Variants in ANK1 observed in about 807,000 individuals in gnomAD.
ANK1 encodes ankyrin-1.
ANK1 carries 51 observed loss-of-function variants against 210.4 expected under a neutral mutation model. The ratio of observed to expected loss-of-function variants is 0.24; its 90% CI spans 0.19 to 0.31. The LOEUF (loss-of-function observed/expected upper bound fraction) is 0.31, where lower values mean the gene tolerates loss of function less well. ANK1 is among the 10% of genes least tolerant of loss of function. The probability of loss-of-function intolerance (pLI) is 1.00; values close to 1 mark genes in which losing one functional copy is unlikely to be tolerated. For synonymous variants in ANK1, 967 were observed against 1,025.9 expected, an observed-to-expected ratio of 0.94 and a Z score of 1.10; for missense variants, 2,051 against 2,504.4, an observed-to-expected ratio of 0.82 and a Z score of 3.86.
At chr8:41,679,708 G>A (rs372222359) in intron 37 of ANK1, among the ~76,000 whole-genome samples, 2,102 of 150,542 alleles carry the variant, frequency 0.014, 60 homozygotes, top group African/African-American at 0.049. Context: ...GACTACAGGC[G>A]CCCACCATCA....
chr8:41,700,040 A>G (rs1367129573), intron 22 of ANK1, among the ~76,000 whole-genome samples: 2 of 152,202 alleles, frequency 1.3e-5, no homozygotes, highest in African/African-American at 2.4e-5. Flanking sequence ...TCGGCTGCCT[A>G]CACCTCTGAC....
Position 41,725,886 on chromosome 8 carries a change from G to T in ANK1, c.487C>A (p.Leu163Ile). Residue 163 changes from leucine to isoleucine, a missense_variant, in exon 6 of 43, where the codon CTC becomes ATC. By Grantham distance (5) the Leu-to-Ile change is conservative (BLOSUM62 2). Transcript: ENST00000289734. The stretch of plus-strand genomic sequence containing the variant: ...TTCCCCTTGGTGCCGTAGTTGATGA[G>T]GTGCGCGACGACGTTCTCATGGCCC... ...QQGHENVVAH[L>I]INYGTKGKVR... 1 of 1,613,600 alleles carries T rather than the reference G, an allele frequency of 6.2e-7. No homozygotes were observed. Among genetic ancestry groups the T allele is most frequent in the Non-Finnish European group, 8.5e-7 (1 of 1,179,950 alleles).
intron 37 of ANK1, among the ~76,000 whole-genome samples, chr8:41,682,271 G>A (rs1586028796): frequency 6.6e-6 from 1 of 151,960 alleles, no homozygotes; most frequent in Non-Finnish European, 1.5e-5. Flanking sequence ...CCTCAGTGCC[G>A]ACGCATGGCT....
intron 30 of ANK1, 21 bp from the exon 31 acceptor site, chr8:41,692,897 T>C: frequency 1.2e-6 from 2 of 1,608,830 alleles, no homozygotes; most frequent in Non-Finnish European, 8.5e-7. Context: ...GGGCGAGTTA[T>C]GTGTTCCCAA....
chr8:41,655,759 A>G lies in ANK1; in HGVS notation c.*37-6T>C. ...TTGGGTGTCGAGGTGTGATCCTGGGAGACACAAAGAGAGAAGGAGTCACTT... is the reference window on the plus strand; with the variant it reads ...TTGGGTGTCGAGGTGTGATCCTGGGGGACACAAAGAGAGAAGGAGTCACTT... On this transcript the variant is annotated splice_region_variant and splice_polypyrimidine_tract_variant and intron_variant, in intron 42 of 42. Transcript: ENST00000289734. The G allele has an allele frequency of 6.2e-7, 1 of 1,613,950 alleles. No homozygotes were observed. The highest frequency in any genetic ancestry group is 8.5e-7 in the Non-Finnish European group (1 of 1,179,898).
chr8:41,696,277 C>T, intron 26 of ANK1, 86 bp downstream of exon 26: 1 of 1,474,572 alleles, frequency 6.8e-7, no homozygotes, highest in Non-Finnish European at 9.4e-7. Context: ...GCACCCAGTT[C>T]TGTTTCCCCA....
intron 6 of ANK1, 149 bp from the exon 7 acceptor site, chr8:41,724,703 A>G (rs1293280360): frequency 1.3e-6 from 1 of 761,574 alleles, no homozygotes; most frequent in African/African-American, 1.7e-5. Context: ...TGAGGGGGTC[A>G]AGAGAGGCTT....
intron 1 of ANK1, among the ~76,000 whole-genome samples, chr8:41,845,497 A>G (rs1462703587): frequency 6.6e-6 from 1 of 151,914 alleles, no homozygotes; most frequent in African/African-American, 2.4e-5. Flanking sequence ...CGCGGGGCAC[A>G]GTGGGGTCTC....
intron 2 of ANK1, among the ~76,000 whole-genome samples, chr8:41,753,060 C>CTTTT (rs761060485): frequency 3.8e-5 from 4 of 106,622 alleles, no homozygotes; most frequent in South Asian, 3.5e-4. Flanking sequence ...GCCGCAGGCT[C>CTTTT]TTTTTTTTTT....
chr8:41,846,145 G>A (rs944771674), intron 1 of ANK1, among the ~76,000 whole-genome samples: 4 of 152,192 alleles, frequency 2.6e-5, no homozygotes, highest in Non-Finnish European at 5.9e-5. Flanking sequence ...CAAACAAGAC[G>A]CCTCTGGCCA....
chr8:41,692,922 G>C, intron 30 of ANK1, 46 bp from the exon 31 acceptor site: 2 of 1,586,342 alleles, frequency 1.3e-6, no homozygotes, highest in Non-Finnish European at 1.7e-6. Context: ...CCAACAGAGA[G>C]CATCCTTTCC....
rs770365154 is a variant in ANK1 at position 41,696,480 on chromosome 8, C to A, written c.2843G>T (p.Arg948Leu). 6.2e-7 allele frequency: 1 copy of A among 1,613,328 alleles called. No individual in the cohort carries two copies. The highest frequency in any genetic ancestry group is 2.2e-5 in the East Asian group (1 of 44,868). ...IPPRTCAAPT[R>L]ITCRLVKPQK... Reference sequence around the variant, plus strand: ...GGGCTTGACCAGGCGGCAGGTGATGCGGGTGGGCGCTGCGCACGTCCGTGG... The same window carrying A: ...GGGCTTGACCAGGCGGCAGGTGATGAGGGTGGGCGCTGCGCACGTCCGTGG... The change falls in exon 26 of 43, where the codon CGC (arginine) becomes CTC (leucine). Residue 948 changes from arginine (R) to leucine (L), a missense_variant. Arg to Leu is a moderately radical substitution (Grantham distance 102, BLOSUM62 -2). Coordinates refer to ENST00000289734, the MANE Select transcript of ANK1 (RefSeq NM_000037.4).
Position 41,727,966 on chromosome 8 carries a change from T to C in ANK1, c.269A>G (p.Gln90Arg). 2 of 1,614,236 alleles carry C rather than the reference T, an allele frequency of 1.2e-6. No individual in the cohort carries two copies. Among genetic ancestry groups the C allele is most frequent in the Non-Finnish European group, 1.7e-6 (2 of 1,180,044 alleles). The change falls in exon 4 of 43, where the codon CAG becomes CGG. Residue 90 changes from glutamine to arginine, a missense_variant. Physicochemically the swap from Gln to Arg is conservative, Grantham distance 43 (BLOSUM62 1). This residue lies in a region of ANK1 where 72 missense variants were observed against 133.5 expected (regional missense o/e 0.54). Transcript: ENST00000289734. ...TALHIAALAG[Q>R]DEVVRELVNY... ...GACAAGCTCCCGGACCACCTCATCC[T>C]GCCCGGCTAGAGCAGCGATGTGCAG... is the stretch of plus-strand genomic sequence containing the variant.
intron 8 of ANK1, 94 bp from the exon 9 acceptor site, chr8:41,723,317 G>C: frequency 7.2e-7 from 1 of 1,382,188 alleles, no homozygotes; most frequent in African/African-American, 1.4e-5. Context: ...CCCAGCCCAC[G>C]CAAGTGCTGA....
chr8:41,688,271 G>T, intron 34 of ANK1, 41 bp from the exon 35 acceptor site: 1 of 1,601,602 alleles, frequency 6.2e-7, no homozygotes, highest in Non-Finnish European at 8.6e-7. Context: ...GCCAGGGCAG[G>T]ACACAGTTGA....
chr8:41,764,245 G>A (rs1405212978), intron 1 of ANK1, among the ~76,000 whole-genome samples: 1 of 152,066 alleles, frequency 6.6e-6, no homozygotes, highest in Non-Finnish European at 1.5e-5. Context: ...CAGCTACAGA[G>A]CAAATGGCCC....
intron 16 of ANK1, among the ~76,000 whole-genome samples, chr8:41,713,224 C>T (rs763579018): frequency 5.9e-5 from 9 of 152,212 alleles, no homozygotes; most frequent in Non-Finnish European, 1.3e-4. Context: ...TCCTGTTTCC[C>T]GTGCGCCTGG....
rs764226906 is a variant in ANK1 at position 41,690,271 on chromosome 8, G to T, written c.4060C>A (p.His1354Asn). The T allele has an allele frequency of 1.2e-6, 2 of 1,614,130 alleles. No individual in the cohort carries two copies. Among genetic ancestry groups the T allele is most frequent in the Non-Finnish European group, 1.7e-6 (2 of 1,180,060 alleles). ...GTGATGTTCAGGTGGCAGAGAATGT[G>T]CTGGGTGTCCTCGTACTTCATCGCC... ...RKAMKYEDTQHILCHLNITMP... is the reference protein window; with the variant it reads ...RKAMKYEDTQNILCHLNITMP... The change falls in exon 33 of 43, where the codon CAC becomes AAC. Residue 1354 changes from histidine to asparagine, a missense_variant. Around this residue, in one of 6 missense-constraint regions of ANK1, gnomAD observed 1,413 missense variants for 1,707.4 expected, o/e 0.83. Coordinates refer to ENST00000289734, the MANE Select transcript of ANK1 (RefSeq NM_000037.4).
chr8:41,678,627 AT>A, intron 37 of ANK1, among the ~76,000 whole-genome samples: 1 of 152,168 alleles, frequency 6.6e-6, no homozygotes, highest in Non-Finnish European at 1.5e-5. Flanking sequence ...GCAGTGTCTA[AT>A]GTCTAATCCC....
Sources: allele counts gnomAD v4.1 joint callset (sites outside exome capture counted in the v4.1 genomes callset), GRCh38; gene constraint gnomAD v4.1.1; regional missense constraint gnomAD v4.1.1; transcripts MANE v1.5; gene names NCBI Gene and HGNC (gene_info 2026-07-23, HGNC 2026-07-21).